Variants in SLC2A1 observed in about 807,000 individuals in gnomAD.
SLC2A1 encodes the protein solute carrier family 2 member 1, also known as solute carrier family 2, facilitated glucose transporter member 1.
SLC2A1 carries 4 observed loss-of-function variants against 46.6 expected under a neutral mutation model. That is an observed-to-expected ratio of 0.09 (90% CI 0.04 to 0.20). The LOEUF is 0.20. Among genes scored for constraint, SLC2A1 ranks in the 10% least tolerant of loss-of-function variants. The pLI, the probability that SLC2A1 is intolerant of heterozygous loss-of-function variation, is 1.00. For synonymous variants in SLC2A1, 253 were observed against 270.0 expected (o/e 0.94, Z 0.62); for missense variants, 352 against 667.0 (o/e 0.53, Z 5.20).
chr1:42,929,423 TACTC>T lies in SLC2A1; in HGVS notation c.868-113_868-110del, dbSNP rs773952090. 68 of 1,115,772 alleles carry T rather than the reference TACTC, an allele frequency of 6.1e-5. No homozygotes were observed. Among genetic ancestry groups the T allele is most frequent in the South Asian group, 9.2e-5 (7 of 76,222 alleles). 69.1% of individuals were successfully genotyped at this position (1,115,772 alleles called of 1,614,324 possible). A position where few individuals can be genotyped will look rare whatever the true frequency, so the allele number is the denominator to read the frequency against. On this transcript the variant is annotated intron_variant, in intron 6 of 9. Coordinates refer to ENST00000426263, the MANE Select transcript of SLC2A1 (RefSeq NM_006516.4). The surrounding 1 kb of genome is among the most constrained non-coding windows in gnomAD (Gnocchi z 6.0). The stretch of plus-strand genomic sequence containing the variant: ...ATGAGTAAAGAATGAAGGGGACAAA[TACTC>T]AGGCAGAAGGGACACTGCACTGCAG...
intron 2 of SLC2A1, among the ~76,000 whole-genome samples, chr1:42,940,018 T>TCCGACA (rs1220761395): frequency 6.7e-6 from 1 of 149,008 alleles, no homozygotes; most frequent in Non-Finnish European, 1.5e-5. Context: ...TCCCTTCTGC[T>TCCGACA]CCGACACCAC....
chr1:42,949,565 T>C (rs1643698917), intron 1 of SLC2A1, among the ~76,000 whole-genome samples: 1 of 152,198 alleles, frequency 6.6e-6, no homozygotes, highest in Admixed American at 6.5e-5. Flanking sequence ...CTTCCAATGA[T>C]ATCAAGACCC....
At chr1:42,956,054 C>T (rs1643769133) in intron 1 of SLC2A1, among the ~76,000 whole-genome samples, 1 of 152,120 alleles carries the variant, frequency 6.6e-6, no homozygotes, top group South Asian at 2.1e-4. Context: ...CCTCTAACAT[C>T]ATGCACAAAA....
intron 1 of SLC2A1, among the ~76,000 whole-genome samples, chr1:42,949,845 A>G (rs2297975): frequency 0.068 from 10,205 of 150,160 alleles, 695 homozygotes; most frequent in African/African-American, 0.16. Flanking sequence ...GAAGTTTCCA[A>G]TTGGGGGTCT....
chr1:42,940,594 C>CT (rs34477585), intron 2 of SLC2A1, among the ~76,000 whole-genome samples: 77,613 of 151,792 alleles, frequency 0.51, 20,033 homozygotes, highest in East Asian at 0.59. Flanking sequence ...GGGCCTTGAT[C>CT]TTTTACTTTT....
chr1:42,944,516 C>G (rs1364595447), intron 1 of SLC2A1, among the ~76,000 whole-genome samples: 1 of 152,192 alleles, frequency 6.6e-6, no homozygotes, highest in Non-Finnish European at 1.5e-5. Context: ...GTCTCTGGGC[C>G]TTGGTTTCCA....
At chr1:42,948,793 C>T (rs1345039727) in intron 1 of SLC2A1, among the ~76,000 whole-genome samples, 1 of 152,022 alleles carries the variant, frequency 6.6e-6, no homozygotes, top group Non-Finnish European at 1.5e-5. Flanking sequence ...GAGCCGGGCA[C>T]GGTGGCTCAC....
In SLC2A1 at chr1:42,927,583, TAG is replaced by T. The variant is rs778922620; in HGVS notation, c.1278+20_1278+21del. On this transcript the variant is annotated intron_variant, in intron 9 of 9. Coordinates refer to ENST00000426263, the MANE Select transcript of SLC2A1 (RefSeq NM_006516.4). The surrounding 1 kb of genome is among the most constrained non-coding windows in gnomAD (Gnocchi z 5.3). ...GTGGGGTCATGCGTGCGGGTGAGTA[TAG>T]AGACAGTGGGGGTTCTCACCTCCAC... 2 of 1,098,962 alleles carry T rather than the reference TAG, an allele frequency of 1.8e-6. No homozygotes were observed. The highest frequency in any genetic ancestry group is 2.9e-5 in the South Asian group (2 of 68,668). 68.1% of individuals were successfully genotyped at this position (1,098,962 alleles called of 1,614,324 possible). A position where few individuals can be genotyped will look rare whatever the true frequency, so the allele number is the denominator to read the frequency against.
rs189985595 is a variant in SLC2A1 at position 42,936,218 on chromosome 1, C to T, written c.115-5012G>A. Among the ~76,000 whole-genome samples the T allele has an allele frequency of 1.9e-3, 292 of 152,268 alleles. 2 individuals are homozygous for T. In the Middle Eastern group the frequency reaches 0.024, roughly 12 times the overall value. On this transcript the variant is annotated intron_variant, in intron 2 of 9. Transcript: ENST00000426263. The stretch of plus-strand genomic sequence containing the variant: ...CGGTCTCAACTCTCCCTGTGCTCTA[C>T]GGGATGCTATTGTGGGGAAGAAGGG...
chr1:42,951,521 G>A (rs950151306), intron 1 of SLC2A1: 9 of 236,064 alleles, frequency 3.8e-5, no homozygotes, highest in Non-Finnish European at 7.3e-5. Flanking sequence ...GCAGAAAGTG[G>A]GATCCAACTA....
Position 42,949,673 on chromosome 1 carries a change from T to TAGC in SLC2A1, c.19-6355_19-6353dup, listed in dbSNP as rs200497059. Among the ~76,000 whole-genome samples the TAGC allele has an allele frequency of 5.6e-3, 856 of 152,232 alleles. 5 individuals carry two copies. Among genetic ancestry groups the TAGC allele is most frequent in the East Asian group, 0.034 (175 of 5,180 alleles). ...ACTGAGAGGAGGGGGCTGGTGCATT[T>TAGC]AGCAGCAGCAGCAGCAGCGAGCTGA... On this transcript the variant is annotated intron_variant, in intron 1 of 9. Transcript: ENST00000426263.
At chr1:42,933,167 CA>C (rs1411952550) in intron 2 of SLC2A1, among the ~76,000 whole-genome samples, 1 of 152,176 alleles carries the variant, frequency 6.6e-6, no homozygotes, top group Non-Finnish European at 1.5e-5. Context: ...TCCCTAAAAT[CA>C]CCCCACTGCA....
chr1:42,943,180 A>G, intron 2 of SLC2A1, 46 bp downstream of exon 2: 1 of 1,283,576 alleles, frequency 7.8e-7, no homozygotes, highest in Non-Finnish European at 1.1e-6. Flanking sequence ...GTGATGTGCA[A>G]CAGAGCAGGC....
chr1:42,958,284 T>A (rs113583149), intron 1 of SLC2A1, among the ~76,000 whole-genome samples: 3 of 150,942 alleles, frequency 2.0e-5, no homozygotes, highest in Admixed American at 6.6e-5. Context: ...GCTGGGCTGC[T>A]GCTGCCGAGG....
At chr1:42,953,778 C>T (rs549677170) in intron 1 of SLC2A1, among the ~76,000 whole-genome samples, 52 of 152,256 alleles carry the variant, frequency 3.4e-4, no homozygotes, top group African/African-American at 1.2e-3. Flanking sequence ...AAGCTGATTA[C>T]GGGGGATTTG....
At chr1:42,931,940 T>TC (rs555427535) in intron 2 of SLC2A1, among the ~76,000 whole-genome samples, 1 of 150,008 alleles carries the variant, frequency 6.7e-6, no homozygotes, top group African/African-American at 2.5e-5. Context: ...CATCAGGCCC[T>TC]CCCCCCAACC....
Position 42,930,149 on chromosome 1 carries a change from T to A in SLC2A1, c.517-114A>T. On this transcript the variant is annotated intron_variant, in intron 4 of 9. Transcript: ENST00000426263. The surrounding 1 kb of genome is among the most constrained non-coding windows in gnomAD (Gnocchi z 6.2). ...CTGCTGCTTCAGGGAAGGGCCCCAG[T>A]TCTAGAGGCTCTGCCACTAGCATGA... 1.7e-6 allele frequency: 2 copies of A among 1,194,280 alleles called. No individual in the cohort carries two copies. The highest frequency in any genetic ancestry group is 2.7e-4 in the Middle Eastern group (1 of 3,666). 74.0% of individuals were successfully genotyped at this position (1,194,280 alleles called of 1,614,324 possible).
chr1:42,939,753 G>GC (rs542619720), intron 2 of SLC2A1, among the ~76,000 whole-genome samples: 202 of 152,202 alleles, frequency 1.3e-3, no homozygotes, highest in African/African-American at 4.6e-3. Flanking sequence ...TTTGAGACCA[G>GC]CCTCACCAAC....
intron 2 of SLC2A1, among the ~76,000 whole-genome samples, chr1:42,935,754 A>G (rs1643536823): frequency 6.6e-6 from 1 of 152,132 alleles, no homozygotes; most frequent in African/African-American, 2.4e-5. Context: ...AGCTCAGGGG[A>G]AGGAAGAGCT....
Sources: allele counts gnomAD v4.1 joint callset (sites outside exome capture counted in the v4.1 genomes callset), GRCh38; gene constraint gnomAD v4.1.1; non-coding constraint Gnocchi (gnomAD v3.1); transcripts MANE v1.5; gene names NCBI Gene and HGNC (gene_info 2026-07-23, HGNC 2026-07-21).